The following COPB1 variants were observed in gnomAD, a reference collection of about 807,000 sequenced individuals.
COPB1 encodes coatomer subunit beta.
A neutral mutation model predicts 108.7 loss-of-function variants in COPB1; 21 were observed. That is an observed-to-expected ratio of 0.19 (90% confidence interval 0.14 to 0.28). COPB1 has a LOEUF of 0.28. COPB1 is among the 10% of genes least tolerant of loss of function. The pLI is 1.00. For synonymous variants in COPB1, 378 were observed against 386.8 expected, an observed-to-expected ratio of 0.98 and a Z score of 0.27; for missense variants, 919 against 1,141.3, an observed-to-expected ratio of 0.81 and a Z score of 2.81.
intron 18 of COPB1, among the ~76,000 whole-genome samples, chr11:14,464,228 G>A (rs752311645): frequency 1.3e-5 from 2 of 152,106 alleles, no homozygotes; most frequent in African/African-American, 2.4e-5. Flanking sequence ...GCTCCTCCAT[G>A]AAGCCTTTTC....
Position 14,475,792 on chromosome 11 carries a change from C to T in COPB1, c.1609G>A (p.Glu537Lys). ...ATATGTGCCATAAATTACCTGTCTT[C>T]CTCTTTCTTGGTGGGTCTAGAACTG... is the stretch of plus-strand genomic sequence containing the variant. ...LSSSRPTKKE[E>K]DRPPLRGFLL... The change falls in exon 13 of 22, where the codon GAA becomes AAA. Residue 537 changes from glutamate to lysine, a missense_variant. Glu to Lys is a moderately conservative substitution (Grantham distance 56, BLOSUM62 1). Transcript: ENST00000439561. The T allele has an allele frequency of 6.4e-7, 1 of 1,567,026 alleles. No homozygotes were observed. Among genetic ancestry groups the T allele is most frequent in the South Asian group, 1.2e-5 (1 of 83,074 alleles).
rs141964535 is a variant in COPB1 at position 14,463,844 on chromosome 11, A to T, written c.2410+1067T>A. On this transcript the variant is annotated intron_variant, in intron 18 of 21. Coordinates refer to ENST00000439561, the MANE Select transcript of COPB1 (RefSeq NM_001144061.2). ...TCTAGCCACTTCCTCTTCAATCATTAACCATATCCTTAATATTATATTCAT... is the reference window on the plus strand; with the variant it reads ...TCTAGCCACTTCCTCTTCAATCATTTACCATATCCTTAATATTATATTCAT... Among the ~76,000 whole-genome samples the T allele has an allele frequency of 6.6e-3, 998 of 152,278 alleles. 37 individuals carry two copies. The highest frequency in any genetic ancestry group is 0.047 in the East Asian group (245 of 5,182).
intron 14 of COPB1, among the ~76,000 whole-genome samples, chr11:14,472,916 A>G (rs1850438928): frequency 6.6e-6 from 1 of 152,144 alleles, no homozygotes; most frequent in African/African-American, 2.4e-5. Context: ...GGCTGGTTTT[A>G]TCTTCTATCC....
At chr11:14,480,666 G>C (rs1180706921) in intron 10 of COPB1, 93 bp downstream of exon 10, 2 of 1,223,590 alleles carry the variant, frequency 1.6e-6, no homozygotes, top group Non-Finnish European at 2.3e-6. Context: ...AATGGTTCTA[G>C]GCAGCTGAGA....
chr11:14,468,000 C>T (rs944607310), intron 16 of COPB1, among the ~76,000 whole-genome samples: 1 of 152,108 alleles, frequency 6.6e-6, no homozygotes, highest in African/African-American at 2.4e-5. Context: ...ATTAATGCCA[C>T]AGAACTGTAC....
At chr11:14,493,923 T>C in intron 3 of COPB1, 112 bp from the exon 4 acceptor site, 2 of 958,024 alleles carry the variant, frequency 2.1e-6, no homozygotes, top group Non-Finnish European at 3.0e-6. Context: ...AAACCTAGAT[T>C]ACCGACAATT....
chr11:14,476,919 C>T lies in COPB1; in HGVS notation c.1455G>A (p.Glu485=). 2 of 1,589,476 alleles carry T rather than the reference C, an allele frequency of 1.3e-6. No homozygotes were observed. Among genetic ancestry groups the T allele is most frequent in the Non-Finnish European group, 8.6e-7 (1 of 1,158,052 alleles). ...TAACATTTACTAAAGTAAAACATACCTCTCCAAGGGACCTGCGGATCTCAG... is the reference window on the plus strand; with the variant it reads ...TAACATTTACTAAAGTAAAACATACTTCTCCAAGGGACCTGCGGATCTCAG... ...VMTEIRRSLG[E]IPIVESEIKK... The change falls in exon 12 of 22, where the codon GAG becomes GAA. Residue 485 remains glutamate, a splice_region_variant and synonymous_variant. Coordinates refer to ENST00000439561, the MANE Select transcript of COPB1 (RefSeq NM_001144061.2).
chr11:14,480,585 G>A (rs1477417124), intron 10 of COPB1, among the ~76,000 whole-genome samples, 174 bp downstream of exon 10: 1 of 152,022 alleles, frequency 6.6e-6, no homozygotes, highest in Non-Finnish European at 1.5e-5. Flanking sequence ...ATAAGTGAAA[G>A]AAGTCAGTCC....
At chr11:14,461,607 T>C (rs1349355725) in intron 18 of COPB1, among the ~76,000 whole-genome samples, 1 of 152,082 alleles carries the variant, frequency 6.6e-6, no homozygotes, top group Non-Finnish European at 1.5e-5. Flanking sequence ...TGATAAGTGG[T>C]GGGGATAGGA....
chr11:14,460,343 G>A, intron 19 of COPB1, 46 bp from the exon 20 acceptor site: 1 of 1,244,426 alleles, frequency 8.0e-7, no homozygotes, highest in Non-Finnish European at 1.2e-6. Context: ...ATCTTACTAT[G>A]AGAAAGCTGT....
chr11:14,479,808 T>C (rs1850621916), intron 10 of COPB1, 94 bp from the exon 11 acceptor site: 3 of 1,282,790 alleles, frequency 2.3e-6, no homozygotes, highest in South Asian at 3.2e-5. Context: ...TGTAATTCTT[T>C]TTTTGTTTTC....
At chr11:14,485,685 A>G (rs1411606672) in intron 7 of COPB1, among the ~76,000 whole-genome samples, 6 of 152,204 alleles carry the variant, frequency 3.9e-5, no homozygotes, top group African/African-American at 1.4e-4. Flanking sequence ...CATCTCTACT[A>G]AAAACACAAA....
rs576182390 is a variant in COPB1 at position 14,492,431 on chromosome 11, C to T, written c.491+1211G>A. ...CGATCTCGGTTCATCGCAACCTCTG[C>T]CTCCCAGGTTCGAGCAATTCTTCTG... On this transcript the variant is annotated intron_variant, in intron 4 of 21. Coordinates refer to ENST00000439561, the MANE Select transcript of COPB1 (RefSeq NM_001144061.2). Among the ~76,000 whole-genome samples, 18 of 152,186 alleles carry T rather than the reference C, an allele frequency of 1.2e-4. No homozygotes were observed. In the South Asian group the frequency reaches 3.5e-3, roughly 30 times the overall value.
chr11:14,483,239 CACA>C, intron 7 of COPB1, 88 bp from the exon 8 acceptor site: 1 of 658,472 alleles, frequency 1.5e-6, no homozygotes, highest in Non-Finnish European at 2.4e-6. Flanking sequence ...CACACACACA[CACA>C]CACACACACA....
chr11:14,465,064 C>T (rs1397966394), intron 17 of COPB1, 34 bp from the exon 18 acceptor site: 1 of 24,624 alleles, frequency 4.1e-5, no homozygotes, highest in Admixed American at 1.1e-3. Flanking sequence ...GTTAAAAATA[C>T]ACACACACAC....
At chr11:14,496,487 A>T (rs1851022269) in intron 2 of COPB1, among the ~76,000 whole-genome samples, 1 of 152,166 alleles carries the variant, frequency 6.6e-6, no homozygotes, top group Non-Finnish European at 1.5e-5. Context: ...CTAGGAATTA[A>T]TTTAACCAAA....
intron 8 of COPB1, among the ~76,000 whole-genome samples, chr11:14,482,179 AG>A (rs1159930982): frequency 6.6e-6 from 1 of 152,206 alleles, no homozygotes; most frequent in Non-Finnish European, 1.5e-5. Context: ...TAATTATCAG[AG>A]AATTTAACAC....
At chr11:14,458,401 A>C (rs1038134533) in intron 21 of COPB1, 131 bp downstream of exon 21, 3 of 838,156 alleles carry the variant, frequency 3.6e-6, no homozygotes, top group Non-Finnish European at 5.2e-6. Flanking sequence ...ACTTCTATTC[A>C]GAGTATATTA....
intron 15 of COPB1, 129 bp from the exon 16 acceptor site, chr11:14,468,989 C>T: frequency 7.7e-6 from 6 of 778,706 alleles, no homozygotes; most frequent in Admixed American, 2.7e-5. Context: ...CCACAAAGCA[C>T]TTTTCTTTTC....
Sources: gnomAD v4.1 joint callset for allele counts (sites outside exome capture counted in the v4.1 genomes callset) on GRCh38, gnomAD v4.1.1 for gene constraint, MANE v1.5 for transcripts, NCBI Gene and HGNC (gene_info 2026-07-23, HGNC 2026-07-21) for gene names.